The following FADS2 variants were observed in gnomAD, a reference collection of about 807,000 sequenced individuals.
FADS2 encodes the protein acyl-CoA 6-desaturase.
A neutral mutation model predicts 61.2 loss-of-function variants in FADS2; 18 were observed. The observed-to-expected ratio is 0.29, with a 90% CI of 0.20 to 0.44. FADS2 has a LOEUF of 0.44. FADS2 is among the 20% of genes least tolerant of loss of function. The probability of loss-of-function intolerance (pLI) is 1.00; values close to 1 mark genes in which losing one functional copy is unlikely to be tolerated. For missense variants in FADS2, 322 were observed against 572.7 expected, an observed-to-expected ratio of 0.56 and a Z score of 4.47; for synonymous variants, 203 against 223.9, an observed-to-expected ratio of 0.91 and a Z score of 0.83.
intron 2 of FADS2, 109 bp downstream of exon 2, chr11:61,837,997 G>T (rs1039293493): frequency 9.0e-6 from 7 of 778,884 alleles, no homozygotes; most frequent in Non-Finnish European, 1.5e-5. Context: ...CTGAGGCAGG[G>T]GTGCTTTTGT....
intron 4 of FADS2, among the ~76,000 whole-genome samples, chr11:61,846,117 T>G (rs1226741515): frequency 1.3e-5 from 2 of 150,678 alleles, no homozygotes; most frequent in African/African-American, 4.9e-5. Context: ...CTCTAAGCTT[T>G]CTTTCTTTCT....
chr11:61,863,523 G>T, intron 9 of FADS2, 145 bp downstream of exon 9: 1 of 796,052 alleles, frequency 1.3e-6, no homozygotes, highest in Non-Finnish European at 2.1e-6. Context: ...GGCTGAGCAA[G>T]AAAGGGCAGC....
chr11:61,857,918 G>A (rs373097613), intron 7 of FADS2, among the ~76,000 whole-genome samples: 21 of 152,348 alleles, frequency 1.4e-4, no homozygotes, highest in Middle Eastern at 3.4e-3. Flanking sequence ...TGGCTGAGAT[G>A]ACAGGTGTGG....
chr11:61,839,329 C>CAT (rs529669545), intron 2 of FADS2, among the ~76,000 whole-genome samples: 255 of 146,692 alleles, frequency 1.7e-3, no homozygotes, highest in Non-Finnish European at 2.2e-3. Flanking sequence ...TTCTTTCTTT[C>CAT]TTTTTTTTTT....
At position 61,866,445 on chromosome 11, in the gene FADS2, T is replaced by A. The variant is rs1353435239; in HGVS notation, c.*756T>A. ...TTGGGACCAAAGGGGGAGTCCCTCG[T>A]CTCTTGTGACTCAGCAGAGGCAGTG... On this transcript the variant is annotated 3_prime_UTR_variant, in exon 12 of 12. Coordinates refer to ENST00000278840, the MANE Select transcript of FADS2 (RefSeq NM_004265.4). 1 of 155,932 alleles carries A rather than the reference T, an allele frequency of 6.4e-6. No individual in the cohort carries two copies. Among genetic ancestry groups the A allele is most frequent in the East Asian group, 1.9e-4 (1 of 5,348 alleles). The allele number at this position is 155,932 out of a possible 1,614,324, so 9.7% of individuals were successfully genotyped here.
At chr11:61,853,070 G>C (rs541787391) in intron 5 of FADS2, among the ~76,000 whole-genome samples, 1 of 152,100 alleles carries the variant, frequency 6.6e-6, no homozygotes, top group African/African-American at 2.4e-5. Flanking sequence ...CAAGAGAATC[G>C]CTTGAACCTG....
At chr11:61,853,282 C>CCCTTCCTTCCTT (rs1355510894) in intron 5 of FADS2, among the ~76,000 whole-genome samples, 1 of 61,380 alleles carries the variant, frequency 1.6e-5, no homozygotes, top group Admixed American at 1.3e-4. Flanking sequence ...TCCCTTCCCT[C>CCCTTCCTTCCTT]CCTCCCTCCC....
At chr11:61,858,593 CT>C (rs375725104) in intron 7 of FADS2, among the ~76,000 whole-genome samples, 6 of 147,724 alleles carry the variant, frequency 4.1e-5, no homozygotes, top group Admixed American at 6.8e-5. Context: ...ATTACGTCAT[CT>C]TTTTTTTTTG....
At chr11:61,852,156 G>A (rs1031050545) in intron 5 of FADS2, among the ~76,000 whole-genome samples, 9 of 152,174 alleles carry the variant, frequency 5.9e-5, no homozygotes, top group African/African-American at 1.4e-4. Flanking sequence ...CCAGGCCACC[G>A]TCTGGATGAC....
At position 61,828,345 on chromosome 11, in the gene FADS2, G is replaced by T. The variant is rs1485132780; in HGVS notation, c.-46G>T. ...CAGCCGTCTGTGCAGCGAGCAGCCG[G>T]CGCGGGGAGGCCGCAGTGCACGGGG... On this transcript the variant is annotated 5_prime_UTR_variant, in exon 1 of 12. Transcript: ENST00000278840. This position sits in a 1 kb window ranked among gnomAD's most constrained non-coding sequence, Gnocchi z 6.4. The T allele has an allele frequency of 6.5e-7, 1 of 1,542,818 alleles. No individual in the cohort carries two copies. The highest frequency in any genetic ancestry group is 2.4e-5 in the East Asian group (1 of 40,894).
chr11:61,830,087 T>G (rs1442462357), intron 1 of FADS2, among the ~76,000 whole-genome samples: 1 of 152,262 alleles, frequency 6.6e-6, no homozygotes, highest in Non-Finnish European at 1.5e-5. Flanking sequence ...CAGTGCTATC[T>G]CACCTGGACC....
chr11:61,853,218 CTCTTTCTTTCTTCTCTT>C (rs1189066240), intron 5 of FADS2, among the ~76,000 whole-genome samples: 1 of 151,200 alleles, frequency 6.6e-6, no homozygotes, highest in Non-Finnish European at 1.5e-5. Context: ...AGTGTAGTCA[CTCTTTCTTTCTTCTCTT>C]TCTTTCTTTC....
At chr11:61,860,602 G>A (rs2067405285) in intron 7 of FADS2, among the ~76,000 whole-genome samples, 1 of 152,210 alleles carries the variant, frequency 6.6e-6, no homozygotes, top group Non-Finnish European at 1.5e-5. Flanking sequence ...CGATCTCTGT[G>A]TATGTGTTGC....
Position 61,865,867 on chromosome 11 carries a change from ACC to A in FADS2, c.*180_*181del. ...TTTCTCTTCACATCTCCCCCATAGC[ACC>A]CTGCCCTCATGGGACCTGCCCTCCC... is the stretch of plus-strand genomic sequence containing the variant. On this transcript the variant is annotated 3_prime_UTR_variant, in exon 12 of 12. Coordinates refer to ENST00000278840, the MANE Select transcript of FADS2 (RefSeq NM_004265.4). This position sits in a 1 kb window ranked among gnomAD's most constrained non-coding sequence, Gnocchi z 4.1. The A allele has an allele frequency of 1.7e-6, 1 of 600,686 alleles. No individual in the cohort carries two copies. Among genetic ancestry groups the A allele is most frequent in the Non-Finnish European group, 3.0e-6 (1 of 337,454 alleles). The allele number at this position is 600,686 out of a possible 1,614,324, so 37.2% of individuals were successfully genotyped here. A position where few individuals can be genotyped will look rare whatever the true frequency, so the allele number is the denominator to read the frequency against.
chr11:61,862,629 C>A, intron 7 of FADS2: 1 of 311,886 alleles, frequency 3.2e-6, no homozygotes. Context: ...GGGACCTGGC[C>A]CCGGGTTGGG....
At chr11:61,826,795 C>A (rs1286303803), upstream of FADS2, among the ~76,000 whole-genome samples, 1 of 152,282 alleles carries the variant, frequency 6.6e-6, no homozygotes, top group Admixed American at 6.5e-5. Flanking sequence ...TCTGCCCCCC[C>A]AAGTACAACC....
chr11:61,841,385 T>C (rs571620780), intron 4 of FADS2, among the ~76,000 whole-genome samples: 1 of 151,990 alleles, frequency 6.6e-6, no homozygotes, highest in East Asian at 1.9e-4. Flanking sequence ...TATGCTTCCT[T>C]TCACTGGGGA....
Position 61,840,496 on chromosome 11 carries a change from A to G in FADS2, c.481A>G (p.Thr161Ala). 1 of 1,613,968 alleles carries G rather than the reference A, an allele frequency of 6.2e-7. No individual in the cohort carries two copies. Among genetic ancestry groups the G allele is most frequent in the Non-Finnish European group, 8.5e-7 (1 of 1,180,012 alleles). The change falls in exon 3 of 12, where the codon ACC becomes GCC. Residue 161 changes from threonine (T) to alanine (A), a missense_variant. Thr to Ala is a moderately conservative substitution (Grantham distance 58). This residue lies in a region of FADS2 where 221 missense variants were observed against 427.9 expected (regional missense o/e 0.52). Transcript: ENST00000278840. ...VFYFGNGWIP[T>A]LITAFVLATS... Reference sequence around the variant, plus strand: ...TTACTTTGGCAATGGCTGGATTCCTACCCTCATCACGGCCTTTGTCCTTGC... The same window carrying G: ...TTACTTTGGCAATGGCTGGATTCCTGCCCTCATCACGGCCTTTGTCCTTGC...
At chr11:61,846,422 TTCTC>T (rs982023766) in intron 4 of FADS2, among the ~76,000 whole-genome samples, 16 of 142,550 alleles carry the variant, frequency 1.1e-4, no homozygotes, top group Middle Eastern at 3.5e-3. Context: ...TTTTTTTTTT[TTCTC>T]TCTCTCTCTC....
Sources: gnomAD v4.1 joint callset for allele counts (sites outside exome capture counted in the v4.1 genomes callset) on GRCh38, gnomAD v4.1.1 for gene constraint, gnomAD v4.1.1 regional missense constraint, Gnocchi (gnomAD v3.1) non-coding constraint, MANE v1.5 for transcripts, NCBI Gene and HGNC (gene_info 2026-07-23, HGNC 2026-07-21) for gene names.